The following CD2AP variants were observed in gnomAD, a reference collection of about 807,000 sequenced individuals.
CD2AP encodes the protein CD2-associated protein.
In CD2AP, 46 loss-of-function variants were observed where a neutral mutation model predicts 85.1. The ratio of observed to expected loss-of-function variants is 0.54; its 90% CI spans 0.43 to 0.69. The LOEUF is 0.69. CD2AP is among the 30% of genes least tolerant of loss of function. CD2AP has a pLI of 0.00. For synonymous variants in CD2AP, 255 were observed against 252.9 expected (o/e 1.01, Z -0.08); for missense variants, 769 against 729.5 (o/e 1.05, Z -0.62).
Position 47,609,432 on chromosome 6 carries a change from T to A in CD2AP, c.1814+128T>A, listed in dbSNP as rs559633432. ...TAGTTCGCGCCTGTAATCCCAGCAC[T>A]TTGGGAGACCAAGTTTGGAGGATTG... is the stretch of plus-strand genomic sequence containing the variant. On this transcript the variant is annotated intron_variant, in intron 16 of 17. Coordinates refer to ENST00000359314, the MANE Select transcript of CD2AP (RefSeq NM_012120.3). The A allele has an allele frequency of 1.5e-4, 105 of 716,586 alleles. No individual in the cohort carries two copies. In the African/African-American group the frequency reaches 1.7e-3, roughly 12 times the overall value. 44.4% of individuals were successfully genotyped at this position (716,586 alleles called of 1,614,324 possible).
At chr6:47,598,126 A>G (rs1378386269) in intron 12 of CD2AP, among the ~76,000 whole-genome samples, 1 of 151,162 alleles carries the variant, frequency 6.6e-6, no homozygotes, top group Non-Finnish European at 1.5e-5. Context: ...AGATATACAA[A>G]TGGCCAACAA....
intron 1 of CD2AP, among the ~76,000 whole-genome samples, chr6:47,494,234 C>T (rs546730957): frequency 1.1e-4 from 17 of 152,206 alleles, no homozygotes; most frequent in African/African-American, 3.6e-4. Flanking sequence ...TTAATATTTG[C>T]TCTAGCTGTA....
At chr6:47,485,783 T>C (rs1286485954) in intron 1 of CD2AP, among the ~76,000 whole-genome samples, 1 of 152,216 alleles carries the variant, frequency 6.6e-6, no homozygotes, top group Non-Finnish European at 1.5e-5. Context: ...ATACCTTTTT[T>C]ATGTTTAAAT....
intron 17 of CD2AP, among the ~76,000 whole-genome samples, chr6:47,618,401 T>C (rs1561835904): frequency 1.3e-5 from 2 of 152,184 alleles, no homozygotes; most frequent in Admixed American, 6.5e-5. Flanking sequence ...ATATTTTCAC[T>C]GTTAGGGTAT....
chr6:47,497,632 T>G (rs1285274596), intron 1 of CD2AP, among the ~76,000 whole-genome samples: 3 of 152,134 alleles, frequency 2.0e-5, no homozygotes, highest in Non-Finnish European at 4.4e-5. Context: ...CAGGCTGGTC[T>G]TGAACTCCTG....
intron 5 of CD2AP, chr6:47,562,563 A>C (rs1348645858): frequency 3.0e-6 from 1 of 328,742 alleles, no homozygotes; most frequent in Non-Finnish European, 5.6e-6. Flanking sequence ...CAAGTCTTGC[A>C]TAAGCAAAAG....
At chr6:47,599,757 C>T (rs1769072292) in intron 13 of CD2AP, among the ~76,000 whole-genome samples, 1 of 152,000 alleles carries the variant, frequency 6.6e-6, no homozygotes, top group African/African-American at 2.4e-5. Flanking sequence ...GATATGAATA[C>T]ACTTTAGTTT....
At chr6:47,489,875 T>C (rs1347172285) in intron 1 of CD2AP, among the ~76,000 whole-genome samples, 1 of 152,106 alleles carries the variant, frequency 6.6e-6, no homozygotes, top group African/African-American at 2.4e-5. Context: ...CAGACTCTCC[T>C]AGTGTGGTTT....
Position 47,577,032 on chromosome 6 carries a change from TTTGCCTATG to T in CD2AP, c.833_841del (p.Phe278_Glu281delinsTer), listed in dbSNP as rs1373038045. The T allele has an allele frequency of 2.0e-6, 3 of 1,508,758 alleles. No individual in the cohort carries two copies. The highest frequency in any genetic ancestry group is 2.8e-6 in the Non-Finnish European group (3 of 1,084,474). The allele number at this position is 1,508,758 out of a possible 1,614,324, so 93.5% of individuals were successfully genotyped here. ...AGCTAAAGAATATTGTAGAACATTATTTGCCTATGAAGGTACTAATGAAGATGAACTTAC... is the reference window on the plus strand; with the variant it reads ...AGCTAAAGAATATTGTAGAACATTATAAGGTACTAATGAAGATGAACTTAC... On this transcript the variant is annotated stop_gained and inframe_deletion, in exon 8 of 18. Coordinates refer to ENST00000359314, the MANE Select transcript of CD2AP (RefSeq NM_012120.3). LOFTEE classifies it high-confidence loss of function.
At position 47,612,449 on chromosome 6, in the gene CD2AP, C is replaced by G. The variant is rs368708157; in HGVS notation, c.1815-24C>G. ...TAAATTATTTAATCGAAAGACTTAACAGTAATAAGTACTTTGTTTTTAGGA... is the reference window on the plus strand; with the variant it reads ...TAAATTATTTAATCGAAAGACTTAAGAGTAATAAGTACTTTGTTTTTAGGA... On this transcript the variant is annotated intron_variant, in intron 16 of 17. Coordinates refer to ENST00000359314, the MANE Select transcript of CD2AP (RefSeq NM_012120.3). 18 of 1,466,990 alleles carry G rather than the reference C, an allele frequency of 1.2e-5. No homozygotes were observed. The African/African-American group carries it at 1.2e-4, about 10-fold the overall frequency. The allele number at this position is 1,466,990 out of a possible 1,614,324, so 90.9% of individuals were successfully genotyped here. A position where few individuals can be genotyped will look rare whatever the true frequency, so the allele number is the denominator to read the frequency against.
intron 11 of CD2AP, among the ~76,000 whole-genome samples, chr6:47,591,792 T>TA (rs536407854): frequency 7.6e-4 from 115 of 152,196 alleles, no homozygotes; most frequent in African/African-American, 2.4e-3. Context: ...ACATTTTTGT[T>TA]AAAAAAATTA....
Position 47,557,169 on chromosome 6 carries a change from GT to G in CD2AP, c.541+2417del, listed in dbSNP as rs371058774. Among the ~76,000 whole-genome samples, 319 of 144,640 alleles carry G rather than the reference GT, an allele frequency of 2.2e-3. 1 individual carries two copies. The highest frequency in any genetic ancestry group is 6.0e-3 in the African/African-American group (238 of 39,428). The allele number at this position is 144,640 out of a possible 152,430, so 94.9% of individuals were successfully genotyped here. A position where few individuals can be genotyped will look rare whatever the true frequency, so the allele number is the denominator to read the frequency against. ...TAGCCTTTGCCCACCTTTTGATGGA[GT>G]TTTTTTTTTTTTTCTTGTAAATATG... On this transcript the variant is annotated intron_variant, in intron 5 of 17. Transcript: ENST00000359314.
intron 11 of CD2AP, among the ~76,000 whole-genome samples, chr6:47,585,617 C>A (rs553855024): frequency 2.0e-5 from 3 of 152,210 alleles, no homozygotes; most frequent in Non-Finnish European, 4.4e-5. Flanking sequence ...AAGGCCCGGG[C>A]AGCTACAATT....
At chr6:47,487,581 T>C (rs1765593495) in intron 1 of CD2AP, among the ~76,000 whole-genome samples, 1 of 151,936 alleles carries the variant, frequency 6.6e-6, no homozygotes, top group Non-Finnish European at 1.5e-5. Flanking sequence ...TCCCAGCTGC[T>C]CGGGAGGCTG....
intron 13 of CD2AP, among the ~76,000 whole-genome samples, chr6:47,604,586 T>C (rs1289319182): frequency 6.6e-6 from 1 of 152,052 alleles, no homozygotes; most frequent in African/African-American, 2.4e-5. Context: ...TTTTTCTTTG[T>C]GGGTTGTTAA....
chr6:47,485,775 A>G (rs1258896570), intron 1 of CD2AP, among the ~76,000 whole-genome samples: 1 of 152,108 alleles, frequency 6.6e-6, no homozygotes, highest in East Asian at 1.9e-4. Flanking sequence ...TTTTTACTAT[A>G]CCTTTTTTAT....
chr6:47,569,383 T>C (rs1768088720), intron 5 of CD2AP, among the ~76,000 whole-genome samples: 2 of 152,072 alleles, frequency 1.3e-5, no homozygotes, highest in African/African-American at 4.8e-5. Context: ...GGTAGGAAGC[T>C]GAGGAAGATA....
chr6:47,554,849 CTG>C (rs558513422), intron 5 of CD2AP, 83 bp downstream of exon 5: 17 of 1,367,974 alleles, frequency 1.2e-5, no homozygotes, highest in Non-Finnish European at 1.7e-5. Flanking sequence ...TTTTGAAACT[CTG>C]TTCTTTCTTT....
intron 1 of CD2AP, among the ~76,000 whole-genome samples, chr6:47,499,707 CTGTT>C (rs1765952951): frequency 6.6e-6 from 1 of 152,032 alleles, no homozygotes; most frequent in Non-Finnish European, 1.5e-5. Flanking sequence ...ACTGGGAACT[CTGTT>C]TATGTGGGTA....
Sources: allele counts gnomAD v4.1 joint callset (sites outside exome capture counted in the v4.1 genomes callset), GRCh38; gene constraint gnomAD v4.1.1; transcripts MANE v1.5; gene names NCBI Gene and HGNC (gene_info 2026-07-23, HGNC 2026-07-21).